The following GNG4 variants were observed in gnomAD, a reference collection of about 807,000 sequenced individuals.
GNG4 encodes the protein G protein subunit gamma 4.
A neutral mutation model predicts 5.8 loss-of-function variants in GNG4; 4 were observed. That is an observed-to-expected ratio of 0.69 (90% CI 0.34 to 1.57). The LOEUF is 1.57. Ranked by LOEUF, GNG4 falls within the 40% of genes most tolerant of loss-of-function variation. The probability of loss-of-function intolerance (pLI) is 0.06; values close to 1 mark genes in which losing one functional copy is unlikely to be tolerated. For missense variants in GNG4, 96 were observed against 95.1 expected, an observed-to-expected ratio of 1.01 and a Z score of -0.04; for synonymous variants, 29 against 32.9, an observed-to-expected ratio of 0.88 and a Z score of 0.41.
rs536504172 is a variant in GNG4, at chr1:235,563,624, G to A, written c.100-11387C>T. Reference sequence around the variant, plus strand: ...GATCTACTTTATGAGTCCTCGTGTGGGGAAACAATTATTTCTCTTAATAGA... The same window carrying A: ...GATCTACTTTATGAGTCCTCGTGTGAGGAAACAATTATTTCTCTTAATAGA... On this transcript the variant is annotated intron_variant, in intron 3 of 3. Coordinates refer to ENST00000391854, the MANE Select transcript of GNG4 (RefSeq NM_001098722.2). Among the ~76,000 whole-genome samples the A allele has an allele frequency of 4.6e-5, 7 of 152,150 alleles. No homozygotes were observed. The South Asian group carries it at 1.5e-3, about 32-fold the overall frequency.
Position 235,628,422 on chromosome 1 carries a change from G to GT in GNG4, c.-123+21239_-123+21240insA, listed in dbSNP as rs562372693. 4.8e-3 allele frequency among the ~76,000 whole-genome samples: 718 copies of GT among 150,746 alleles called. 9 individuals carry two copies. The highest frequency in any genetic ancestry group is 0.017 in the African/African-American group (670 of 40,200). Reference sequence around the variant, plus strand: ...ACAAAGCCTTGTTAGGAGACGGGGGGGGGTTACAAGACCCTAGAACAAAAT... The same window carrying GT: ...ACAAAGCCTTGTTAGGAGACGGGGGGTGGGTTACAAGACCCTAGAACAAAAT... On this transcript the variant is annotated intron_variant, in intron 1 of 3. Transcript: ENST00000391854.
intron 2 of GNG4, among the ~76,000 whole-genome samples, chr1:235,588,197 C>G (rs1352216246): frequency 6.6e-6 from 1 of 152,096 alleles, no homozygotes; most frequent in Non-Finnish European, 1.5e-5. Context: ...TGGGAAGGTC[C>G]CACCAGCGCA....
intron 2 of GNG4, among the ~76,000 whole-genome samples, chr1:235,587,634 A>AT (rs1188919580): frequency 1.4e-3 from 5 of 3,630 alleles, no homozygotes; most frequent in Non-Finnish European, 2.2e-3. Context: ...TGTGGGGTGG[A>AT]GTGTGAGTGT....
At chr1:235,640,818 C>T (rs762679521) in intron 1 of GNG4, among the ~76,000 whole-genome samples, 34 of 152,230 alleles carry the variant, frequency 2.2e-4, no homozygotes, top group African/African-American at 3.6e-4. Flanking sequence ...CTTTTGTTGC[C>T]GCTTGGCGCC....
chr1:235,575,055 C>T (rs1687443365), intron 3 of GNG4, among the ~76,000 whole-genome samples: 1 of 152,160 alleles, frequency 6.6e-6, no homozygotes, highest in African/African-American at 2.4e-5. Context: ...GAACTCCTGA[C>T]CTCGAATGAT....
chr1:235,572,495 CT>C (rs1261290924), intron 3 of GNG4, among the ~76,000 whole-genome samples: 69 of 112,688 alleles, frequency 6.1e-4, no homozygotes, highest in East Asian at 1.9e-3. Context: ...CCACCGTGCT[CT>C]TTTTTTTTTT....
At chr1:235,570,923 T>TAC (rs1553365414) in intron 3 of GNG4, among the ~76,000 whole-genome samples, 316 of 97,344 alleles carry the variant, frequency 3.2e-3, no homozygotes, top group South Asian at 8.4e-3. Flanking sequence ...CATATATATA[T>TAC]ACACACACAC....
rs1688758359 is a variant in GNG4, at chr1:235,623,935, A to G, written c.-123+25727T>C. Among the ~76,000 whole-genome samples the G allele has an allele frequency of 2.6e-5, 4 of 152,306 alleles. 1 individual carries two copies. In the South Asian group the frequency reaches 8.3e-4, roughly 32 times the overall value. On this transcript the variant is annotated intron_variant, in intron 1 of 3. Transcript: ENST00000391854. ...AAAGAGACAAAATGGACATCTAAAA[A>G]TCACAATAACACAAAAACTCCACAA... is the stretch of plus-strand genomic sequence containing the variant.
At chr1:235,626,593 G>T (rs897622632) in intron 1 of GNG4, among the ~76,000 whole-genome samples, 1 of 152,168 alleles carries the variant, frequency 6.6e-6, no homozygotes, top group African/African-American at 2.4e-5. Flanking sequence ...CAGCCCCACC[G>T]TCTACTGAGC....
intron 3 of GNG4, among the ~76,000 whole-genome samples, chr1:235,579,059 T>G (rs1687555417): frequency 1.4e-5 from 2 of 146,886 alleles, no homozygotes; most frequent in African/African-American, 5.1e-5. Context: ...ATCATGCCAC[T>G]GCACTCCAGC....
chr1:235,628,421 G>GGA (rs1292540320), intron 1 of GNG4, among the ~76,000 whole-genome samples: 1 of 149,314 alleles, frequency 6.7e-6, no homozygotes, highest in African/African-American at 2.6e-5. Flanking sequence ...GGAGACGGGG[G>GGA]GGGGTTACAA....
chr1:235,619,701 A>G (rs1688668109), intron 1 of GNG4, among the ~76,000 whole-genome samples: 1 of 152,218 alleles, frequency 6.6e-6, no homozygotes, highest in Non-Finnish European at 1.5e-5. Flanking sequence ...TTATTGTTAT[A>G]AAAACAGTTC....
At chr1:235,571,828 G>A (rs1424951734) in intron 3 of GNG4, among the ~76,000 whole-genome samples, 3 of 152,226 alleles carry the variant, frequency 2.0e-5, no homozygotes, top group East Asian at 1.9e-4. Context: ...CTTTTTAAAT[G>A]TTAATTAATT....
In GNG4 at chr1:235,549,714, A is replaced by T. The variant is rs1282448686; in HGVS notation, c.*2395T>A. On this transcript the variant is annotated 3_prime_UTR_variant, in exon 4 of 4. Transcript: ENST00000391854. ...AAGAATGAGTTTTAACAAAAGAAGCAAGGAACAAAGATGTCCTAAATCCAT... is the reference window on the plus strand; with the variant it reads ...AAGAATGAGTTTTAACAAAAGAAGCTAGGAACAAAGATGTCCTAAATCCAT... The T allele has an allele frequency of 6.6e-6, 1 of 152,222 alleles. No individual in the cohort carries two copies. The allele number at this position is 152,222 out of a possible 1,614,324, so 9.4% of individuals were successfully genotyped here.
intron 3 of GNG4, among the ~76,000 whole-genome samples, chr1:235,569,856 G>A (rs1401798268): frequency 4.6e-5 from 7 of 152,186 alleles, no homozygotes; most frequent in South Asian, 2.1e-4. Flanking sequence ...GCGAGCCACT[G>A]CGCCTGGCCT....
intron 3 of GNG4, among the ~76,000 whole-genome samples, chr1:235,565,191 G>C (rs1039391697): frequency 1.3e-5 from 2 of 152,108 alleles, no homozygotes; most frequent in African/African-American, 4.8e-5. Context: ...CTCTGAGCAA[G>C]TCAGAGGCTA....
At position 235,644,405 on chromosome 1, in the gene GNG4, A is replaced by G. The variant is rs1657442170; in HGVS notation, c.-123+5257T>C. Among the ~76,000 whole-genome samples, 1 of 151,644 alleles carries G rather than the reference A, an allele frequency of 6.6e-6. No homozygotes were observed. Among genetic ancestry groups the G allele is most frequent in the African/African-American group, 2.4e-5 (1 of 41,298 alleles). On this transcript the variant is annotated intron_variant, in intron 1 of 3. Coordinates refer to ENST00000391854, the MANE Select transcript of GNG4 (RefSeq NM_001098722.2). The surrounding 1 kb of genome is among the most constrained non-coding windows in gnomAD (Gnocchi z 5.9). ...ACCCTCCTCGGCCACCTCCACACCC[A>G]CACTCCAGGCCCACCACTGCCCTTG...
chr1:235,638,071 TGG>T (rs1209598933), intron 1 of GNG4, among the ~76,000 whole-genome samples: 1 of 152,238 alleles, frequency 6.6e-6, no homozygotes, highest in East Asian at 1.9e-4. Context: ...CCAATGCTCC[TGG>T]TCTCCGATAA....
chr1:235,571,275 C>T (rs776069497), intron 3 of GNG4, among the ~76,000 whole-genome samples: 2 of 152,158 alleles, frequency 1.3e-5, no homozygotes, highest in East Asian at 1.9e-4. Context: ...AGGTTGAGAG[C>T]GAAGGCTCTG....
Sources: allele counts gnomAD v4.1 joint callset (sites outside exome capture counted in the v4.1 genomes callset), GRCh38; gene constraint gnomAD v4.1.1; non-coding constraint Gnocchi (gnomAD v3.1); transcripts MANE v1.5; gene names NCBI Gene and HGNC (gene_info 2026-07-23, HGNC 2026-07-21).